The following EPS8L2 variants were observed in gnomAD, a reference collection of about 807,000 sequenced individuals.
EPS8L2 encodes epidermal growth factor receptor kinase substrate 8-like protein 2.
EPS8L2 carries 81 observed loss-of-function variants against 99.4 expected under a neutral mutation model. The observed-to-expected ratio is 0.82, with a 90% CI of 0.68 to 0.98. The LOEUF (loss-of-function observed/expected upper bound fraction) is 0.98. Among genes scored for constraint, EPS8L2 ranks in the 50% least tolerant of loss-of-function variants. The pLI is 0.00. For missense variants in EPS8L2, 1,155 were observed against 968.8 expected, an observed-to-expected ratio of 1.19 and a Z score of -2.55; for synonymous variants, 509 against 407.3, an observed-to-expected ratio of 1.25 and a Z score of -3.01.
At chr11:707,860 C>T (rs1442628699) in intron 1 of EPS8L2, among the ~76,000 whole-genome samples, 1 of 152,134 alleles carries the variant, frequency 6.6e-6, no homozygotes, top group East Asian at 1.9e-4. Context: ...TGTGCCTGGA[C>T]ACACGTGCCT....
chr11:707,340 C>G (rs762034876), intron 1 of EPS8L2, among the ~76,000 whole-genome samples: 1 of 152,172 alleles, frequency 6.6e-6, no homozygotes, highest in Non-Finnish European at 1.5e-5. Flanking sequence ...TTCCAGGGCC[C>G]CACCCAGCGC....
intron 12 of EPS8L2, 98 bp from the exon 13 acceptor site, chr11:722,303 G>T: frequency 1.3e-6 from 2 of 1,551,998 alleles, no homozygotes; most frequent in Non-Finnish European, 8.8e-7. Context: ...TCTCCCTGGG[G>T]TCCAAAGTCC....
At chr11:718,932 T>C (rs1862084449) in intron 4 of EPS8L2, among the ~76,000 whole-genome samples, 1 of 150,422 alleles carries the variant, frequency 6.6e-6, no homozygotes, top group African/African-American at 2.4e-5. Flanking sequence ...CCTCCCAAAG[T>C]GCTAGGATTA....
In EPS8L2 at chr11:724,881, A is replaced by C; in HGVS notation, c.1560+52A>C. On this transcript the variant is annotated intron_variant, in intron 16 of 20. Coordinates refer to ENST00000318562, the MANE Select transcript of EPS8L2 (RefSeq NM_022772.4). The surrounding 1 kb of genome is among the most constrained non-coding windows in gnomAD (Gnocchi z 5.5). ...GAGGGGGAAACAGGGCAGGGCTTCA[A>C]GGGAGGGGCTACCAGGGGAGGTGGG... is the stretch of plus-strand genomic sequence containing the variant. The C allele has an allele frequency of 7.4e-7, 1 of 1,343,928 alleles. No homozygotes were observed. The highest frequency in any genetic ancestry group is 1.1e-6 in the Non-Finnish European group (1 of 939,548). The allele number at this position is 1,343,928 out of a possible 1,614,324, so 83.3% of individuals were successfully genotyped here. A position where few individuals can be genotyped will look rare whatever the true frequency, so the allele number is the denominator to read the frequency against.
At chr11:714,269 A>G (rs968377081) in intron 4 of EPS8L2, among the ~76,000 whole-genome samples, 2 of 146,642 alleles carry the variant, frequency 1.4e-5, no homozygotes, top group African/African-American at 5.0e-5. Flanking sequence ...TTGCTGTGTC[A>G]CCCAGGCTGG....
chr11:706,640 G>C (rs1321763309), intron 1 of EPS8L2: 2 of 152,842 alleles, frequency 1.3e-5, no homozygotes, highest in Non-Finnish European at 2.9e-5. Context: ...GAGAGCGCTG[G>C]TGGTAGGGAG....
At chr11:716,615 C>G (rs1333511438) in intron 4 of EPS8L2, among the ~76,000 whole-genome samples, 1 of 152,216 alleles carries the variant, frequency 6.6e-6, no homozygotes, top group Non-Finnish European at 1.5e-5. Context: ...GCTCTACATT[C>G]TCCTTGCAGC....
At chr11:722,365 G>A (rs748283277) in intron 12 of EPS8L2, 36 bp from the exon 13 acceptor site, 5 of 1,604,556 alleles carry the variant, frequency 3.1e-6, no homozygotes, top group South Asian at 1.1e-5. Flanking sequence ...CAGGGTCTGT[G>A]GGCCTCAGTC....
chr11:722,342 G>T, intron 12 of EPS8L2, 59 bp from the exon 13 acceptor site: 1 of 1,589,888 alleles, frequency 6.3e-7, no homozygotes. Context: ...GTGGAGCTAC[G>T]GGGGTGCTGG....
chr11:715,006 G>A (rs1464927413), intron 4 of EPS8L2, among the ~76,000 whole-genome samples: 1 of 152,140 alleles, frequency 6.6e-6, no homozygotes, highest in Non-Finnish European at 1.5e-5. Context: ...ACTTTGGGAG[G>A]CTGAGGTGGG....
intron 4 of EPS8L2, among the ~76,000 whole-genome samples, chr11:717,533 A>C (rs1393873241): frequency 6.6e-6 from 1 of 152,186 alleles, no homozygotes; most frequent in Non-Finnish European, 1.5e-5. Flanking sequence ...ATCCTAACCC[A>C]TAAGTAAAAC....
chr11:718,950 G>C (rs937425593), intron 4 of EPS8L2, among the ~76,000 whole-genome samples: 4 of 149,568 alleles, frequency 2.7e-5, no homozygotes, highest in African/African-American at 9.9e-5. Context: ...TTACAGGCAT[G>C]AGCCACTGCG....
Position 722,171 on chromosome 11 carries a change from T to C in EPS8L2, c.1059+6T>C. 1 of 1,611,274 alleles carries C rather than the reference T, an allele frequency of 6.2e-7. No homozygotes were observed. Among genetic ancestry groups the C allele is most frequent in the Non-Finnish European group, 8.5e-7 (1 of 1,179,138 alleles). Reference sequence around the variant, plus strand: ...TCTTCGGGCCTCTGGACCTGGTGCCTGGGGCCGGGCGGCAGGGGCGCGCAG... The same window carrying C: ...TCTTCGGGCCTCTGGACCTGGTGCCCGGGGCCGGGCGGCAGGGGCGCGCAG... On this transcript the variant is annotated splice_donor_region_variant and intron_variant, in intron 12 of 20. Coordinates refer to ENST00000318562, the MANE Select transcript of EPS8L2 (RefSeq NM_022772.4).
chr11:726,631 C>T lies in EPS8L2; in HGVS notation c.1947C>T (p.Asn649=). The change falls in exon 20 of 21, where the codon AAC becomes AAT. Residue 649 remains asparagine (N), a synonymous_variant. Transcript: ENST00000318562. ...AKAFSPRIVE[N]LGILTGPQLF... ...TGCCCGCCCCCAGGATCGTGGAGAA[C>T]CTGGGCATCCTGACCGGGCCGCAGC... is the stretch of plus-strand genomic sequence containing the variant. 6.4e-7 allele frequency: 1 copy of T among 1,553,436 alleles called. No individual in the cohort carries two copies. Among genetic ancestry groups the T allele is most frequent in the African/African-American group, 1.4e-5 (1 of 73,646 alleles).
At position 726,748 on chromosome 11, in the gene EPS8L2, G is replaced by C; in HGVS notation, c.2064G>C (p.Leu688=). The change falls in exon 20 of 21, where the codon CTG becomes CTC. Residue 688 remains leucine, a synonymous_variant. Coordinates refer to ENST00000318562, the MANE Select transcript of EPS8L2 (RefSeq NM_022772.4). The part of the protein sequence containing the change: ...YSQLTMQKAF[L]EKQQSGSELE... ...AGCTCACCATGCAGAAGGCCTTCCT[G>C]GAGGTGAGCCCGCCTGCGCTCCGGC... 1 of 1,590,338 alleles carries C rather than the reference G, an allele frequency of 6.3e-7. No homozygotes were observed. The highest frequency in any genetic ancestry group is 8.5e-7 in the Non-Finnish European group (1 of 1,170,374).
rs1862208535 is a variant in EPS8L2 at position 722,534 on chromosome 11, G to T, written c.1193G>T (p.Ser398Ile). ...TCGCTGTGGGAGTCACTGGGAGAGA[G>T]CTGGATGCGGCCCCGGTAGGGCAGG... ...EMSLWESLGE[S>I]WMRPRSEWPR... Residue 398 changes from serine (S) to isoleucine (I), a missense_variant, in exon 13 of 21, where the codon AGC (serine) becomes ATC (isoleucine). By Grantham distance (142) the Ser-to-Ile change is moderately radical. Transcript: ENST00000318562. 3 of 1,612,928 alleles carry T rather than the reference G, an allele frequency of 1.9e-6. No homozygotes were observed. The highest frequency in any genetic ancestry group is 2.5e-6 in the Non-Finnish European group (3 of 1,179,884).
chr11:721,826 T>C (rs1862184674), intron 10 of EPS8L2, 77 bp from the exon 11 acceptor site: 3 of 1,512,396 alleles, frequency 2.0e-6, no homozygotes, highest in Middle Eastern at 1.8e-4. Flanking sequence ...CCCACACAGA[T>C]GGGCTGCGTG....
chr11:727,084 G>C lies in EPS8L2; in HGVS notation c.*103G>C. ...GTATTTTGTATCAAGGACACGGAGG[G>C]GGTGTGGTGCTGGCTAGAGGTCCCT... On this transcript the variant is annotated 3_prime_UTR_variant, in exon 21 of 21. Coordinates refer to ENST00000318562, the MANE Select transcript of EPS8L2 (RefSeq NM_022772.4). The C allele has an allele frequency of 2.3e-6, 2 of 855,670 alleles. No homozygotes were observed. Among genetic ancestry groups the C allele is most frequent in the South Asian group, 1.6e-5 (1 of 60,834 alleles). 53.0% of individuals were successfully genotyped at this position (855,670 alleles called of 1,614,324 possible).
In EPS8L2 at chr11:720,869, G is replaced by T; in HGVS notation, c.517G>T (p.Asp173Tyr). The T allele has an allele frequency of 6.5e-7, 1 of 1,534,124 alleles. No individual in the cohort carries two copies. Among genetic ancestry groups the T allele is most frequent in the Non-Finnish European group, 8.7e-7 (1 of 1,143,746 alleles). ...CGAGGACATCGAGAGCGCGTTGGCC[G>T]ACTGCCGGCTGGGCAAGAAGATGCG... ...VHEDIESALA[D>Y]CRLGKKMRPQ... Residue 173 changes from aspartate (D) to tyrosine (Y), a missense_variant, in exon 7 of 21, where the codon GAC (aspartate) becomes TAC (tyrosine). Transcript: ENST00000318562.
Sources: allele counts gnomAD v4.1 joint callset (sites outside exome capture counted in the v4.1 genomes callset), GRCh38; gene constraint gnomAD v4.1.1; non-coding constraint Gnocchi (gnomAD v3.1); transcripts MANE v1.5; gene names NCBI Gene and HGNC (gene_info 2026-07-23, HGNC 2026-07-21).